Variants in MAP4K4 observed in about 807,000 individuals in gnomAD.
The protein encoded by MAP4K4 is mitogen-activated protein kinase kinase kinase kinase 4.
A neutral mutation model predicts 189.6 loss-of-function variants in MAP4K4; 38 were observed. The ratio of observed to expected loss-of-function variants is 0.20; its 90% CI spans 0.15 to 0.26. The LOEUF is 0.26. MAP4K4 is among the 10% of genes least tolerant of loss of function. The probability of loss-of-function intolerance (pLI) is 1.00; values close to 1 mark genes in which losing one functional copy is unlikely to be tolerated. For synonymous variants in MAP4K4, 610 were observed against 624.3 expected, an observed-to-expected ratio of 0.98 and a Z score of 0.34; for missense variants, 1,054 against 1,726.9, an observed-to-expected ratio of 0.61 and a Z score of 6.91.
At chr2:101,740,151 CTTTTTTTT>C (rs71250687) in intron 2 of MAP4K4, among the ~76,000 whole-genome samples, 1 of 87,224 alleles carries the variant, frequency 1.1e-5, no homozygotes, top group Non-Finnish European at 1.8e-5. Flanking sequence ...TTTATATCAT[CTTTTTTTT>C]TTTTTTTTTT....
At chr2:101,828,850 A>G (rs1040114660) in intron 5 of MAP4K4, among the ~76,000 whole-genome samples, 13 of 152,210 alleles carry the variant, frequency 8.5e-5, no homozygotes, top group African/African-American at 2.9e-4. Flanking sequence ...TTGTTCTTCC[A>G]CCACCTCTCG....
At chr2:101,792,570 T>G (rs778531716) in intron 3 of MAP4K4, among the ~76,000 whole-genome samples, 8 of 150,370 alleles carry the variant, frequency 5.3e-5, no homozygotes, top group Non-Finnish European at 1.2e-4. Flanking sequence ...AGTTAAATCC[T>G]TATACTTACT....
At chr2:101,786,149 A>G (rs1045026032) in intron 2 of MAP4K4, among the ~76,000 whole-genome samples, 1 of 151,998 alleles carries the variant, frequency 6.6e-6, no homozygotes, top group Non-Finnish European at 1.5e-5. Flanking sequence ...TTGGGATTTA[A>G]AAGCCTCCTT....
chr2:101,793,209 A>ATATT (rs2093221372), intron 3 of MAP4K4, among the ~76,000 whole-genome samples: 3 of 152,236 alleles, frequency 2.0e-5, no homozygotes, highest in South Asian at 4.1e-4. Flanking sequence ...GAGTCCTCAA[A>ATATT]TAAGTATTAT....
At chr2:101,748,731 AGATGACATGATTGTAT>A (rs1159316336) in intron 2 of MAP4K4, among the ~76,000 whole-genome samples, 3 of 152,240 alleles carry the variant, frequency 2.0e-5, no homozygotes, top group East Asian at 3.9e-4. Context: ...CCCTGTTTGC[AGATGACATGATTGTAT>A]ATCTAGAAAA....
intron 2 of MAP4K4, among the ~76,000 whole-genome samples, chr2:101,780,799 C>T (rs1016079810): frequency 1.3e-5 from 2 of 152,186 alleles, no homozygotes; most frequent in East Asian, 1.9e-4. Context: ...GTATTTTTAA[C>T]GTATCTTGAC....
chr2:101,744,484 C>G (rs2064284832), intron 2 of MAP4K4, among the ~76,000 whole-genome samples: 1 of 152,052 alleles, frequency 6.6e-6, no homozygotes, highest in South Asian at 2.1e-4. Context: ...ACTTAATGAA[C>G]TTTAGTTTTC....
intron 2 of MAP4K4, among the ~76,000 whole-genome samples, chr2:101,727,761 G>T (rs2056323789): frequency 6.6e-6 from 1 of 152,214 alleles, no homozygotes; most frequent in South Asian, 2.1e-4. Flanking sequence ...CTGAGGTCAG[G>T]TGTTCAAGAC....
At position 101,775,529 on chromosome 2, in the gene MAP4K4, C is replaced by T. The variant is rs868585130; in HGVS notation, c.124-15191C>T. ...TACTGAATATGTTTGTCATATAACA[C>T]CTGTTAGCCTCTTGATTATTCTTTG... is the stretch of plus-strand genomic sequence containing the variant. On this transcript the variant is annotated intron_variant, in intron 2 of 32. Coordinates refer to ENST00000324219, the Ensembl canonical transcript of MAP4K4. 3.3e-5 allele frequency among the ~76,000 whole-genome samples: 5 copies of T among 152,112 alleles called. No homozygotes were observed. In the South Asian group the frequency reaches 1.0e-3, roughly 32 times the overall value.
chr2:101,858,615 C>T (rs1442695036), intron 13 of MAP4K4, among the ~76,000 whole-genome samples: 1 of 150,122 alleles, frequency 6.7e-6, no homozygotes, highest in Non-Finnish European at 1.5e-5. Context: ...GACTAATAAG[C>T]AGATGTTTAC....
chr2:101,856,065 T>C lies in MAP4K4; in HGVS notation c.1322T>C (p.Leu441Ser), dbSNP rs1449102621. The C allele has an allele frequency of 3.9e-6, 6 of 1,551,180 alleles. No individual in the cohort carries two copies. The African/African-American group carries it at 6.9e-5, about 18-fold the overall frequency. Residue 441 changes from leucine (L) to serine (S), a missense_variant, in exon 13 of 33, where the codon TTG (leucine) becomes TCG (serine). By Grantham distance (145) the Leu-to-Ser change is moderately radical. Coordinates refer to ENST00000324219, the Ensembl canonical transcript of MAP4K4. The stretch of plus-strand genomic sequence containing the variant: ...GAAGAAAAGAGGCGTCTAGAGGAGT[T>C]GGAGAGAAGGCGCAAAGAAGAAGAG...
At chr2:101,716,068 C>A (rs781391863) in intron 2 of MAP4K4, among the ~76,000 whole-genome samples, 6 of 152,330 alleles carry the variant, frequency 3.9e-5, no homozygotes, top group African/African-American at 4.8e-5. Flanking sequence ...AAAGTTTCTT[C>A]ATGAAACTGG....
At chr2:101,855,832 GT>G in intron 12 of MAP4K4, 144 bp from the exon 13 acceptor site, 2 of 669,268 alleles carry the variant, frequency 3.0e-6, no homozygotes, top group Non-Finnish European at 5.0e-6. Context: ...CCGAGGGGCA[GT>G]GTGGAAATAA....
At chr2:101,790,456 T>C (rs2092680229) in intron 2 of MAP4K4, among the ~76,000 whole-genome samples, 2 of 152,196 alleles carry the variant, frequency 1.3e-5, no homozygotes, top group Non-Finnish European at 2.9e-5. Flanking sequence ...GATAGTGTTA[T>C]GTAAATTAAA....
At position 101,864,925 on chromosome 2, in the gene MAP4K4, T is replaced by C; in HGVS notation, c.2098-5T>C. 2 of 1,542,210 alleles carry C rather than the reference T, an allele frequency of 1.3e-6. No homozygotes were observed. The highest frequency in any genetic ancestry group is 1.8e-6 in the Non-Finnish European group (2 of 1,139,036). On this transcript the variant is annotated splice_polypyrimidine_tract_variant and splice_region_variant and intron_variant, in intron 17 of 32. Coordinates refer to ENST00000324219, the Ensembl canonical transcript of MAP4K4. ...TAATTTAATTGCTATATTTTCTACT[T>C]AAAGGTTCCTGTGAGAACAACATCT... is the stretch of plus-strand genomic sequence containing the variant.
At chr2:101,782,332 G>T (rs1397929467) in intron 2 of MAP4K4, among the ~76,000 whole-genome samples, 1 of 152,188 alleles carries the variant, frequency 6.6e-6, no homozygotes, top group Non-Finnish European at 1.5e-5. Context: ...TGCAATTGAG[G>T]TATAATTTTC....
intron 3 of MAP4K4, among the ~76,000 whole-genome samples, chr2:101,819,876 A>G (rs2095936962): frequency 6.6e-6 from 1 of 152,226 alleles, no homozygotes; most frequent in Admixed American, 6.5e-5. Flanking sequence ...CATGACATAA[A>G]ATAGTGTTGG....
intron 27 of MAP4K4, 56 bp downstream of exon 27, chr2:101,877,202 C>T: frequency 1.9e-6 from 3 of 1,566,388 alleles, no homozygotes; most frequent in Admixed American, 1.7e-5. Context: ...AATATTGTAG[C>T]TTTACACACT....
intron 2 of MAP4K4, among the ~76,000 whole-genome samples, chr2:101,752,394 T>C (rs1389399937): frequency 6.6e-6 from 1 of 152,218 alleles, no homozygotes; most frequent in Non-Finnish European, 1.5e-5. Flanking sequence ...TATTCTTGTA[T>C]GAAGGGTGGC....
Sources: allele counts gnomAD v4.1 joint callset (sites outside exome capture counted in the v4.1 genomes callset), GRCh38; gene constraint gnomAD v4.1.1; transcripts MANE v1.5; gene names NCBI Gene and HGNC (gene_info 2026-07-23, HGNC 2026-07-21).